Variants in OR2T35 observed in about 807,000 individuals in gnomAD.
OR2T35 encodes the protein olfactory receptor 2T35.
For missense variants in OR2T35, 47 were observed against 278.8 expected, an observed-to-expected ratio of 0.17 and a Z score of 5.92; for synonymous variants, 18 against 110.2, an observed-to-expected ratio of 0.16 and a Z score of 5.24.
chr1:248,638,389 G>C lies in OR2T35; in HGVS notation c.870C>G (p.Tyr290Ter). The C allele has an allele frequency of 8.8e-7, 1 of 1,134,484 alleles. No individual in the cohort carries two copies. The highest frequency in any genetic ancestry group is 1.3e-6 in the Non-Finnish European group (1 of 752,528). 70.3% of individuals were successfully genotyped at this position (1,134,484 alleles called of 1,614,324 possible). Residue 290 changes from tyrosine (Y) to a stop codon, truncating the protein, a stop_gained, in exon 2 of 2, where the codon TAC (tyrosine) becomes TAG (stop). Transcript: ENST00000641268. LOFTEE classifies it low-confidence loss of function (END_TRUNC). The stretch of plus-strand genomic sequence containing the variant: ...CAGCCACATCTTTATTCCTCAAGCT[G>C]TAGATGAGTGGGTTGAGCATGGGGG... Reference protein sequence around the residue: ...ILTPMLNPLIYSLRNKDVAAA... With the variant: ...ILTPMLNPLI
rs1660716677 is a variant in OR2T35 at position 248,637,149 on chromosome 1, TTCTACA to T, written c.*1132_*1137del. ...CTAATAAAATGTCTTGGTTTATTCA[TTCTACA>T]TTTATCTATTAACAATTTGAGCATA... is the stretch of plus-strand genomic sequence containing the variant. On this transcript the variant is annotated 3_prime_UTR_variant, in exon 2 of 2. Coordinates refer to ENST00000641268, the MANE Select transcript of OR2T35 (RefSeq NM_001001827.2). 3.5e-4 allele frequency: 1 copy of T among 2,844 alleles called. No homozygotes were observed. The highest frequency in any genetic ancestry group is 4.0e-4 in the African/African-American group (1 of 2,498). 0.2% of individuals were successfully genotyped at this position (2,844 alleles called of 1,614,324 possible).
At chr1:248,639,510 G>T (rs1223040577) in intron 1 of OR2T35, among the ~76,000 whole-genome samples, 1 of 150,580 alleles carries the variant, frequency 6.6e-6, no homozygotes, top group Non-Finnish European at 1.5e-5. Context: ...TACTCTACAG[G>T]CTGGATGTGA....
At chr1:248,639,317 C>T in intron 1 of OR2T35, 37 bp from the exon 2 acceptor site, 2 of 349,070 alleles carry the variant, frequency 5.7e-6, no homozygotes, top group Non-Finnish European at 1.1e-5. Context: ...ATTTAACGAC[C>T]TGATATGTAG....
Position 248,641,697 on chromosome 1 carries a change from TAAAA to T in OR2T35, c.-22-2421_-22-2418del, listed in dbSNP as rs3033658. 1.7e-3 allele frequency among the ~76,000 whole-genome samples: 102 copies of T among 58,814 alleles called. 3 individuals carry two copies. Among genetic ancestry groups the T allele is most frequent in the East Asian group, 4.2e-3 (7 of 1,670 alleles). The allele number at this position is 58,814 out of a possible 152,430, so 38.6% of individuals were successfully genotyped here. ...CATTTTTATACAACCGAGACCGTGT[TAAAA>T]AAAAAAAAAAAAAGGTTCCTTGTGA... On this transcript the variant is annotated intron_variant, in intron 1 of 1. Coordinates refer to ENST00000641268, the MANE Select transcript of OR2T35 (RefSeq NM_001001827.2).
intron 1 of OR2T35, among the ~76,000 whole-genome samples, chr1:248,642,193 T>C (rs1572108648): frequency 1.4e-5 from 1 of 70,754 alleles, no homozygotes; most frequent in East Asian, 3.1e-4. Flanking sequence ...ACACTTAGGT[T>C]CCCCTTCATC....
At chr1:248,639,714 T>C (rs1165081428) in intron 1 of OR2T35, among the ~76,000 whole-genome samples, 2 of 59,900 alleles carry the variant, frequency 3.3e-5, no homozygotes, top group African/African-American at 9.6e-5. Flanking sequence ...TCGAGATGAT[T>C]GTACTAGAGT....
chr1:248,644,605 C>T (rs1660831833), intron 1 of OR2T35, among the ~76,000 whole-genome samples: 1 of 144,432 alleles, frequency 6.9e-6, no homozygotes, highest in Non-Finnish European at 1.5e-5. Context: ...AAAGTGAAGG[C>T]AGAGAGACCA....
intron 1 of OR2T35, among the ~76,000 whole-genome samples, 151 bp downstream of exon 1, chr1:248,645,096 A>G (rs562735999): frequency 8.9e-6 from 1 of 112,084 alleles, no homozygotes; most frequent in Non-Finnish European, 2.0e-5. Context: ...AAAGTTAGGC[A>G]TAAGATAGAA....
intron 1 of OR2T35, among the ~76,000 whole-genome samples, chr1:248,642,174 C>T (rs1660791644): frequency 2.5e-5 from 2 of 81,024 alleles, no homozygotes; most frequent in South Asian, 4.0e-4. Flanking sequence ...CATCATTCTC[C>T]ACTCTAAGAC....
At chr1:248,642,229 A>AAAAAG (rs1553273942) in intron 1 of OR2T35, among the ~76,000 whole-genome samples, 3 of 62,968 alleles carry the variant, frequency 4.8e-5, no homozygotes, top group African/African-American at 8.9e-5. Flanking sequence ...AAAAAAAAAA[A>AAAAAG]AAAAAAGAAA....
At chr1:248,642,580 G>A (rs1660801784) in intron 1 of OR2T35, among the ~76,000 whole-genome samples, 1 of 82,466 alleles carries the variant, frequency 1.2e-5, no homozygotes, top group Admixed American at 1.4e-4. Flanking sequence ...CAGGGTGCCA[G>A]GTGATCAAAG....
intron 1 of OR2T35, among the ~76,000 whole-genome samples, chr1:248,644,135 T>G (rs1399915108): frequency 0.024 from 1,022 of 42,240 alleles, 1 homozygote; most frequent in Non-Finnish European, 0.057. Flanking sequence ...AATTTGAGAT[T>G]TTTCATTTAA....
intron 1 of OR2T35, among the ~76,000 whole-genome samples, chr1:248,639,522 A>G (rs571365117): frequency 4.0e-3 from 604 of 149,792 alleles, no homozygotes; most frequent in African/African-American, 0.014. Context: ...TGGATGTGAG[A>G]TGTAAATGTA....
chr1:248,644,131 A>C (rs1434826833), intron 1 of OR2T35, among the ~76,000 whole-genome samples: 3,744 of 38,264 alleles, frequency 0.098, 57 homozygotes, highest in African/African-American at 0.21. Flanking sequence ...TTAAAATTTG[A>C]GATTTTTCAT....
At chr1:248,644,177 CGGATTG>C (rs1558178077) in intron 1 of OR2T35, among the ~76,000 whole-genome samples, 5 of 119,634 alleles carry the variant, frequency 4.2e-5, no homozygotes, top group South Asian at 2.9e-4. Flanking sequence ...AGCAACCTGG[CGGATTG>C]CAGGTTAACT....
rs1464472615 is a variant in OR2T35 at position 248,641,818 on chromosome 1, G to C, written c.-22-2538C>G. On this transcript the variant is annotated intron_variant, in intron 1 of 1. Coordinates refer to ENST00000641268, the MANE Select transcript of OR2T35 (RefSeq NM_001001827.2). The stretch of plus-strand genomic sequence containing the variant: ...TGGTGTGTGCATCTGTGAGTGGGTG[G>C]GGATATGTGTAGGGAAAAGGCCCTG... Among the ~76,000 whole-genome samples, 2 of 84,122 alleles carry C rather than the reference G, an allele frequency of 2.4e-5. 1 individual carries two copies. Among genetic ancestry groups the C allele is most frequent in the Non-Finnish European group, 6.8e-5 (2 of 29,342 alleles). The allele number at this position is 84,122 out of a possible 152,430, so 55.2% of individuals were successfully genotyped here.
intron 1 of OR2T35, among the ~76,000 whole-genome samples, chr1:248,641,420 ATG>A (rs1302759946): frequency 7.1e-5 from 1 of 14,046 alleles, no homozygotes; most frequent in African/African-American, 9.2e-5. Context: ...ATAGGCAAGA[ATG>A]AGACAAATGA....
At position 248,636,396 on chromosome 1, in the gene OR2T35, AAC is replaced by A. The variant is rs1269833451; in HGVS notation, c.*1889_*1890del. On this transcript the variant is annotated 3_prime_UTR_variant, in exon 2 of 2. Transcript: ENST00000641268. ...TAGCAACTGAGGAAATGGGAAAGAA[AAC>A]ACATATCCCAGGATAGAGCACAAAT... 6 of 31,754 alleles carry A rather than the reference AAC, an allele frequency of 1.9e-4. No individual in the cohort carries two copies. The highest frequency in any genetic ancestry group is 3.6e-4 in the African/African-American group (6 of 16,618). The allele number at this position is 31,754 out of a possible 1,614,324, so 2.0% of individuals were successfully genotyped here.
At chr1:248,641,697 T>TTA (rs1439798333) in intron 1 of OR2T35, among the ~76,000 whole-genome samples, 6 of 58,834 alleles carry the variant, frequency 1.0e-4, no homozygotes, top group African/African-American at 1.8e-4. Flanking sequence ...GAGACCGTGT[T>TTA]AAAAAAAAAA....
Sources: allele counts gnomAD v4.1 joint callset (sites outside exome capture counted in the v4.1 genomes callset), GRCh38; gene constraint gnomAD v4.1.1; transcripts MANE v1.5; gene names NCBI Gene and HGNC (gene_info 2026-07-23, HGNC 2026-07-21).